EML2: variants seen among roughly 807,000 people sequenced by gnomAD.
EML2 encodes the protein EMAP like 2, also known as echinoderm microtubule-associated protein-like 2.
EML2 carries 59 observed loss-of-function variants against 84.7 expected under a neutral mutation model. The ratio of observed to expected loss-of-function variants is 0.70; its 90% confidence interval spans 0.56 to 0.86. EML2 has a LOEUF of 0.86. Ranked by LOEUF, EML2 falls within the 40% of genes least tolerant of loss-of-function variation. The pLI is 0.00. For missense variants in EML2, 818 were observed against 855.6 expected (o/e 0.96, Z 0.55); for synonymous variants, 352 against 348.9 (o/e 1.01, Z -0.10).
intron 9 of EML2, among the ~76,000 whole-genome samples, chr19:45,623,871 G>C (rs1188628432): frequency 6.6e-6 from 1 of 152,124 alleles, no homozygotes; most frequent in Non-Finnish European, 1.5e-5. Flanking sequence ...TAAAAGTAAA[G>C]ATGAGGTCTC....
In EML2 at chr19:45,610,863, C is replaced by T. The variant is rs1239596144; in HGVS notation, c.1825-1075G>A. Among the ~76,000 whole-genome samples, 17 of 152,120 alleles carry T rather than the reference C, an allele frequency of 1.1e-4. No individual in the cohort carries two copies. The South Asian group carries it at 3.3e-3, about 30-fold the overall frequency. ...AAAAAAACAAAAACAAACAAAAAACCCAGCAGGGCAACTGAATTGGTTTAT... is the reference window on the plus strand; with the variant it reads ...AAAAAAACAAAAACAAACAAAAAACTCAGCAGGGCAACTGAATTGGTTTAT... On this transcript the variant is annotated intron_variant, in intron 18 of 18. Transcript: ENST00000245925.
intron 14 of EML2, 91 bp from the exon 15 acceptor site, chr19:45,616,649 T>TCCCCACTGCA: frequency 3.6e-6 from 5 of 1,374,962 alleles, no homozygotes; most frequent in Non-Finnish European, 5.1e-6. Flanking sequence ...CCCAGCTCCA[T>TCCCCACTGCA]CCCCACTGCA....
At position 45,638,378 on chromosome 19, in the gene EML2, G is replaced by A. The variant is rs931848158; in HGVS notation, c.179+127C>T. On this transcript the variant is annotated intron_variant, in intron 3 of 18. Coordinates refer to ENST00000245925, the MANE Select transcript of EML2 (RefSeq NM_012155.4). ...CTTGTTTTGTGTGTTGCCCAGGCAG[G>A]TCTCAAACTCTTGGCCTCAAACGAT... The A allele has an allele frequency of 3.3e-5, 44 of 1,339,986 alleles. No homozygotes were observed. The East Asian group carries it at 5.1e-4, about 15-fold the overall frequency. 83.0% of individuals were successfully genotyped at this position (1,339,986 alleles called of 1,614,324 possible). A position where few individuals can be genotyped will look rare whatever the true frequency, so the allele number is the denominator to read the frequency against.
intron 9 of EML2, among the ~76,000 whole-genome samples, chr19:45,623,056 A>AG (rs1414896552): frequency 1.1e-4 from 16 of 148,564 alleles, no homozygotes; most frequent in African/African-American, 3.2e-4. Context: ...CAAAAAAAAA[A>AG]AAAAGAGAGA....
At chr19:45,639,211 C>G in intron 1 of EML2, 146 bp downstream of exon 1, 2 of 925,774 alleles carry the variant, frequency 2.2e-6, no homozygotes, top group South Asian at 2.1e-5. Flanking sequence ...GCACACCAAA[C>G]GTCAAGCAGA....
chr19:45,634,315 A>G lies in EML2; in HGVS notation c.329+7T>C. ...CTCCCTCCCGTCCCCTCTGTCCCAC[A>G]TCTCACCATTTGATGTCATCGTTGT... On this transcript the variant is annotated splice_region_variant and intron_variant, in intron 4 of 18. Transcript: ENST00000245925. 1 of 1,612,852 alleles carries G rather than the reference A, an allele frequency of 6.2e-7. No individual in the cohort carries two copies. Among genetic ancestry groups the G allele is most frequent in the Non-Finnish European group, 8.5e-7 (1 of 1,179,230 alleles).
chr19:45,623,034 G>A (rs1399877919), intron 9 of EML2, among the ~76,000 whole-genome samples: 1 of 146,940 alleles, frequency 6.8e-6, no homozygotes, highest in Non-Finnish European at 1.5e-5. Context: ...GCGACAGAGC[G>A]AGACTCCGTC....
chr19:45,642,644 C>T (rs182054075), upstream of EML2: 837 of 757,196 alleles, frequency 1.1e-3, 4 homozygotes, highest in African/African-American at 0.012. Context: ...ACCCAGGAGC[C>T]TCTCGCTCTG....
At chr19:45,616,336 C>T in intron 15 of EML2, 125 bp downstream of exon 15, 1 of 708,212 alleles carries the variant, frequency 1.4e-6, no homozygotes, top group Non-Finnish European at 2.4e-6. Flanking sequence ...GGCCAAGACT[C>T]CTTGCTCTGA....
chr19:45,622,126 A>T (rs1471233956), intron 9 of EML2, among the ~76,000 whole-genome samples: 2 of 152,074 alleles, frequency 1.3e-5, no homozygotes, highest in Non-Finnish European at 2.9e-5. Flanking sequence ...ACAATACCTT[A>T]TCATCTATTC....
chr19:45,638,693 C>A (rs1439980371), intron 2 of EML2, 59 bp from the exon 3 acceptor site: 1 of 1,590,646 alleles, frequency 6.3e-7, no homozygotes, highest in Non-Finnish European at 8.6e-7. Context: ...ATTCCCTCTC[C>A]TCTTCCAGCT....
At chr19:45,627,215 C>T (rs1972464997) in intron 7 of EML2, among the ~76,000 whole-genome samples, 1 of 151,664 alleles carries the variant, frequency 6.6e-6, no homozygotes, top group South Asian at 2.1e-4. Flanking sequence ...CCTCAGCCTC[C>T]TAAAGTGCTG....
upstream of EML2, chr19:45,643,653 G>A (rs977792823): frequency 4.8e-5 from 74 of 1,535,952 alleles, no homozygotes; most frequent in Non-Finnish European, 6.1e-5. Flanking sequence ...TAGCTTAGAC[G>A]GGGACAGGGC....
intron 16 of EML2, 160 bp from the exon 17 acceptor site, chr19:45,614,860 G>T: frequency 1.6e-6 from 1 of 610,434 alleles, no homozygotes; most frequent in Non-Finnish European, 2.9e-6. Context: ...TCACATGCTG[G>T]GGTCTTCACA....
intron 11 of EML2, 141 bp downstream of exon 11, chr19:45,621,066 G>A (rs1971628858): frequency 7.6e-7 from 1 of 1,309,344 alleles, no homozygotes. Context: ...CTGGGAAGGG[G>A]TCCTGGGTCA....
Position 45,609,590 on chromosome 19 carries a change from T to TTACTC in EML2, c.*68_*72dup. 6.7e-7 allele frequency: 1 copy of TTACTC among 1,500,912 alleles called. No individual in the cohort carries two copies. The highest frequency in any genetic ancestry group is 2.4e-5 in the East Asian group (1 of 41,402). 93.0% of individuals were successfully genotyped at this position (1,500,912 alleles called of 1,614,324 possible). ...GCTATAGACATACTCTGGGTATATA[T>TTACTC]TACTCTACTCGGCAATAGACATCTC... On this transcript the variant is annotated 3_prime_UTR_variant, in exon 19 of 19. Coordinates refer to ENST00000245925, the MANE Select transcript of EML2 (RefSeq NM_012155.4).
chr19:45,638,064 G>C (rs923894322), intron 3 of EML2, among the ~76,000 whole-genome samples: 2 of 152,150 alleles, frequency 1.3e-5, no homozygotes, highest in Admixed American at 1.3e-4. Flanking sequence ...CACCCACCTC[G>C]GCCTCCCAAT....
At chr19:45,642,402 C>T (rs1314228945), upstream of EML2, 17 of 1,508,048 alleles carry the variant, frequency 1.1e-5, no homozygotes, top group Non-Finnish European at 1.4e-5. Flanking sequence ...AGCTCCAGTG[C>T]CCAAGGGGTC....
At position 45,638,012 on chromosome 19, in the gene EML2, A is replaced by G. The variant is rs150230730; in HGVS notation, c.179+493T>C. Among the ~76,000 whole-genome samples, 263 of 152,026 alleles carry G rather than the reference A, an allele frequency of 1.7e-3. 2 individuals carry two copies. Among genetic ancestry groups the G allele is most frequent in the African/African-American group, 6.1e-3 (251 of 41,444 alleles). ...TTTCCTGTAAAGACGAGGTCTTGCTATGTTGCTCAGGCTGGTTTCAAACTC... is the reference window on the plus strand; with the variant it reads ...TTTCCTGTAAAGACGAGGTCTTGCTGTGTTGCTCAGGCTGGTTTCAAACTC... On this transcript the variant is annotated intron_variant, in intron 3 of 18. Coordinates refer to ENST00000245925, the MANE Select transcript of EML2 (RefSeq NM_012155.4).
Sources: allele counts gnomAD v4.1 joint callset (sites outside exome capture counted in the v4.1 genomes callset), GRCh38; gene constraint gnomAD v4.1.1; transcripts MANE v1.5; gene names NCBI Gene and HGNC (gene_info 2026-07-23, HGNC 2026-07-21).